Variants in RERE observed in about 807,000 individuals in gnomAD.
The protein encoded by RERE is arginine-glutamic acid dipeptide repeats protein.
Under a neutral mutation model 146.1 loss-of-function variants are expected in RERE, and 40 were observed. The observed-to-expected ratio is 0.27, with a 90% CI of 0.21 to 0.36. The LOEUF (loss-of-function observed/expected upper bound fraction) is 0.36, where lower values mean the gene tolerates loss of function less well. Among genes scored for constraint, RERE ranks in the 10% least tolerant of loss-of-function variants. The pLI, the probability that RERE is intolerant of heterozygous loss-of-function variation, is 1.00. For missense variants in RERE, 1,933 were observed against 2,138.7 expected, an observed-to-expected ratio of 0.90 and a Z score of 1.90; for synonymous variants, 1,003 against 866.0, an observed-to-expected ratio of 1.16 and a Z score of -2.78.
At chr1:8,380,247 C>G (rs959649442) in intron 12 of RERE, among the ~76,000 whole-genome samples, 2 of 152,180 alleles carry the variant, frequency 1.3e-5, no homozygotes, top group Non-Finnish European at 2.9e-5. Flanking sequence ...ATGAGAATCT[C>G]TAACAGCCTC....
At chr1:8,385,686 C>T (rs1269962863) in intron 12 of RERE, among the ~76,000 whole-genome samples, 1 of 151,656 alleles carries the variant, frequency 6.6e-6, no homozygotes, top group Non-Finnish European at 1.5e-5. Context: ...TGAAGGGAAG[C>T]CTTCTACCAA....
intron 1 of RERE, among the ~76,000 whole-genome samples, chr1:8,658,293 T>A (rs1394630285): frequency 1.3e-5 from 2 of 152,218 alleles, no homozygotes; most frequent in African/African-American, 4.8e-5. Context: ...TTGTTCTCAA[T>A]GCTCAAATGC....
At chr1:8,695,687 G>A (rs893859010) in intron 1 of RERE, among the ~76,000 whole-genome samples, 3 of 151,702 alleles carry the variant, frequency 2.0e-5, no homozygotes, top group Admixed American at 1.3e-4. Context: ...TTGAACCTGG[G>A]AGGTGGAGGT....
intron 1 of RERE, among the ~76,000 whole-genome samples, chr1:8,762,857 G>A (rs1288655586): frequency 6.6e-6 from 1 of 152,020 alleles, no homozygotes; most frequent in Non-Finnish European, 1.5e-5. Context: ...CATAAATGAA[G>A]ACTAGGAGCT....
rs751551318 is a variant in RERE, at chr1:8,358,868, T to G, written c.3667A>C (p.Ser1223Arg). Residue 1223 changes from serine (S) to arginine (R), a missense_variant, in exon 20 of 23, where the codon AGT becomes CGT. Physicochemically the swap from Ser to Arg is moderately radical, Grantham distance 110. This residue lies in a region of RERE where 1,255 missense variants were observed against 1,153.8 expected (regional missense o/e 1.09). Coordinates refer to ENST00000400908, the MANE Select transcript of RERE (RefSeq NM_001042681.2). Reference sequence around the variant, plus strand: ...GATGGCCGCATGTGGCCAGGACCACTGAGCTGTGGGTCACTGAGGCGACCT... The same window carrying G: ...GATGGCCGCATGTGGCCAGGACCACGGAGCTGTGGGTCACTGAGGCGACCT... The part of the protein sequence containing the change: ...HEGRLSDPQL[S>R]GPGHMRPSFE... 1 of 1,584,112 alleles carries G rather than the reference T, an allele frequency of 6.3e-7. No individual in the cohort carries two copies. Among genetic ancestry groups the G allele is most frequent in the Non-Finnish European group, 8.6e-7 (1 of 1,163,594 alleles).
At chr1:8,455,998 G>C (rs752753899) in intron 11 of RERE, among the ~76,000 whole-genome samples, 8 of 152,170 alleles carry the variant, frequency 5.3e-5, no homozygotes, top group Non-Finnish European at 1.2e-4. Flanking sequence ...GCTTGGCCCA[G>C]CATTCTAGTT....
rs35888808 is a variant in RERE, at chr1:8,383,012, T to TA, written c.1285-17039dup. 8.9e-4 allele frequency among the ~76,000 whole-genome samples: 130 copies of TA among 146,088 alleles called. 1 individual carries two copies. The highest frequency in any genetic ancestry group is 3.2e-3 in the East Asian group (16 of 5,036). ...AAAGGACTATTTTAATTGACTAAGT[T>TA]AAAAAAAAAAAAAAAGTCTTTCAAA... On this transcript the variant is annotated intron_variant, in intron 12 of 22. Coordinates refer to ENST00000400908, the MANE Select transcript of RERE (RefSeq NM_001042681.2).
chr1:8,630,567 T>C (rs761788810), intron 2 of RERE, among the ~76,000 whole-genome samples: 9 of 152,186 alleles, frequency 5.9e-5, no homozygotes, highest in Non-Finnish European at 1.2e-4. Flanking sequence ...GGTACTCATA[T>C]TGACTGTAAC....
intron 4 of RERE, among the ~76,000 whole-genome samples, chr1:8,607,846 T>C (rs1040831007): frequency 6.6e-6 from 1 of 150,496 alleles, no homozygotes; most frequent in Non-Finnish European, 1.5e-5. Flanking sequence ...CTGCCTCAAC[T>C]TCCTAAGTAG....
intron 4 of RERE, among the ~76,000 whole-genome samples, chr1:8,587,302 C>G (rs1646438503): frequency 6.6e-6 from 1 of 152,148 alleles, no homozygotes; most frequent in Admixed American, 6.5e-5. Context: ...TCCCAATCTG[C>G]AAAACCAGAA....
chr1:8,631,254 G>A (rs775284549), intron 2 of RERE, among the ~76,000 whole-genome samples: 1 of 152,132 alleles, frequency 6.6e-6, no homozygotes, highest in South Asian at 2.1e-4. Context: ...ATAATGCTGG[G>A]CCAGGCATGG....
At chr1:8,604,621 G>GCA (rs1158875762) in intron 4 of RERE, among the ~76,000 whole-genome samples, 1 of 99,804 alleles carries the variant, frequency 1.0e-5, no homozygotes, top group Non-Finnish European at 2.0e-5. Context: ...AGGGAGGGAG[G>GCA]GAGGAAGGAA....
intron 12 of RERE, among the ~76,000 whole-genome samples, chr1:8,412,509 G>A (rs576684687): frequency 1.3e-4 from 20 of 152,312 alleles, no homozygotes; most frequent in Admixed American, 2.0e-4. Context: ...ATGTATGTGG[G>A]ACATACAAAG....
intron 7 of RERE, among the ~76,000 whole-genome samples, chr1:8,527,918 G>C (rs1645590116): frequency 6.6e-6 from 1 of 152,108 alleles, no homozygotes; most frequent in South Asian, 2.1e-4. Context: ...CTTCCTTCCT[G>C]GCAGCAGCTC....
chr1:8,730,502 C>T (rs563520031), intron 1 of RERE, among the ~76,000 whole-genome samples: 16 of 152,124 alleles, frequency 1.1e-4, no homozygotes, highest in Non-Finnish European at 2.4e-4. Context: ...GTCCCCACAC[C>T]CAGCTAATTT....
At chr1:8,406,537 A>G (rs1478952250) in intron 12 of RERE, among the ~76,000 whole-genome samples, 3 of 152,204 alleles carry the variant, frequency 2.0e-5, no homozygotes, top group African/African-American at 7.2e-5. Context: ...TAATGTGATA[A>G]GATGTTAATA....
intron 7 of RERE, among the ~76,000 whole-genome samples, chr1:8,535,431 A>G (rs1645711966): frequency 6.6e-6 from 1 of 152,248 alleles, no homozygotes; most frequent in African/African-American, 2.4e-5. Context: ...GTTATGTAAG[A>G]AAATGCTCAT....
At chr1:8,466,078 A>C in intron 10 of RERE, 55 bp from the exon 11 acceptor site, 1 of 1,451,822 alleles carries the variant, frequency 6.9e-7, no homozygotes, top group Admixed American at 1.9e-5. Context: ...GACAGGACAC[A>C]ATCGATCCAA....
chr1:8,501,080 G>C (rs1424632580), intron 8 of RERE, among the ~76,000 whole-genome samples: 5 of 141,894 alleles, frequency 3.5e-5, no homozygotes, highest in African/African-American at 1.3e-4. Context: ...CCGTCCGGGA[G>C]GTGAGGGGCT....
Sources: gnomAD v4.1 joint callset for allele counts (sites outside exome capture counted in the v4.1 genomes callset) on GRCh38, gnomAD v4.1.1 for gene constraint, gnomAD v4.1.1 regional missense constraint, MANE v1.5 for transcripts, NCBI Gene and HGNC (gene_info 2026-07-23, HGNC 2026-07-21) for gene names.